Variants in ANTXR1 observed in about 807,000 individuals in gnomAD.
The protein encoded by ANTXR1 is ANTXR cell adhesion molecule 1.
ANTXR1 carries 19 observed loss-of-function variants against 78.1 expected under a neutral mutation model. The observed-to-expected ratio is 0.24, with a 90% CI of 0.17 to 0.36. ANTXR1 has a LOEUF of 0.36. Ranked by LOEUF, ANTXR1 falls within the 10% of genes least tolerant of loss-of-function variation. ANTXR1 has a pLI of 1.00. For synonymous variants in ANTXR1, 273 were observed against 260.5 expected, an observed-to-expected ratio of 1.05 and a Z score of -0.46; for missense variants, 518 against 718.6, an observed-to-expected ratio of 0.72 and a Z score of 3.19.
At chr2:69,184,434 C>T (rs1278392072) in intron 16 of ANTXR1, among the ~76,000 whole-genome samples, 7 of 152,120 alleles carry the variant, frequency 4.6e-5, no homozygotes, top group African/African-American at 7.2e-5. Context: ...CATGCAGTGG[C>T]GTGCATGCAT....
At chr2:69,175,582 C>A (rs1320306225) in intron 14 of ANTXR1, among the ~76,000 whole-genome samples, 1 of 152,162 alleles carries the variant, frequency 6.6e-6, no homozygotes, top group Non-Finnish European at 1.5e-5. Context: ...CATGTTCATG[C>A]CACTGCACTC....
intron 12 of ANTXR1, among the ~76,000 whole-genome samples, chr2:69,151,647 C>T (rs1021168631): frequency 2.6e-5 from 4 of 152,186 alleles, no homozygotes; most frequent in African/African-American, 9.7e-5. Flanking sequence ...TGCCCCCACC[C>T]CCTGGATTCA....
At chr2:69,156,074 G>A (rs930134183) in intron 13 of ANTXR1, among the ~76,000 whole-genome samples, 1 of 152,118 alleles carries the variant, frequency 6.6e-6, no homozygotes, top group Non-Finnish European at 1.5e-5. Context: ...CCTCAGAAGA[G>A]AGCAGCCCAG....
chr2:69,116,229 T>C (rs1461098482), intron 10 of ANTXR1, among the ~76,000 whole-genome samples: 1 of 152,218 alleles, frequency 6.6e-6, no homozygotes, highest in African/African-American at 2.4e-5. Context: ...CATTTTGCTT[T>C]GTAATAAGAC....
At chr2:69,067,512 G>A (rs1670435866) in intron 3 of ANTXR1, among the ~76,000 whole-genome samples, 1 of 136,828 alleles carries the variant, frequency 7.3e-6, no homozygotes, top group Non-Finnish European at 1.5e-5. Flanking sequence ...CACTTTTAGT[G>A]TTACCCAAAT....
At chr2:69,098,081 A>G (rs1671487754) in intron 9 of ANTXR1, among the ~76,000 whole-genome samples, 1 of 152,160 alleles carries the variant, frequency 6.6e-6, no homozygotes, top group Non-Finnish European at 1.5e-5. Flanking sequence ...GTTGTGTGGG[A>G]GTGGAGGTAG....
intron 17 of ANTXR1, among the ~76,000 whole-genome samples, chr2:69,225,609 C>T (rs1573989764): frequency 6.6e-6 from 1 of 152,042 alleles, no homozygotes; most frequent in Admixed American, 6.6e-5. Flanking sequence ...CTGCTCAGCT[C>T]GCTACCAGAG....
intron 12 of ANTXR1, among the ~76,000 whole-genome samples, chr2:69,141,164 T>C (rs758198965): frequency 1.3e-5 from 2 of 152,158 alleles, no homozygotes; most frequent in Non-Finnish European, 2.9e-5. Flanking sequence ...TACAGGGTTG[T>C]TCAAGAAATC....
chr2:69,115,359 T>C (rs1672109037), intron 10 of ANTXR1, among the ~76,000 whole-genome samples: 1 of 152,128 alleles, frequency 6.6e-6, no homozygotes, highest in Non-Finnish European at 1.5e-5. Context: ...CCACAACTTG[T>C]GTTTTGCAGG....
At chr2:69,126,000 A>C (rs1392453909) in intron 12 of ANTXR1, among the ~76,000 whole-genome samples, 1 of 152,222 alleles carries the variant, frequency 6.6e-6, no homozygotes, top group Non-Finnish European at 1.5e-5. Flanking sequence ...ATTATACTAT[A>C]GTCACTTCCT....
Position 69,245,803 on chromosome 2 carries a change from T to G in ANTXR1, c.*318T>G. 3.5e-6 allele frequency: 1 copy of G among 287,302 alleles called. No homozygotes were observed. Among genetic ancestry groups the G allele is most frequent in the South Asian group, 5.5e-5 (1 of 18,162 alleles). 17.8% of individuals were successfully genotyped at this position (287,302 alleles called of 1,614,324 possible). A position where few individuals can be genotyped will look rare whatever the true frequency, so the allele number is the denominator to read the frequency against. On this transcript the variant is annotated 3_prime_UTR_variant, in exon 18 of 18. Coordinates refer to ENST00000303714, the MANE Select transcript of ANTXR1 (RefSeq NM_032208.3). ...CTCATGGAGACCAGTAAGAAAATCA[T>G]TTATCTGAAGGTGAAATGCAGAGTT...
chr2:69,191,978 C>G (rs1012378777), intron 16 of ANTXR1, among the ~76,000 whole-genome samples: 1 of 152,212 alleles, frequency 6.6e-6, no homozygotes, highest in African/African-American at 2.4e-5. Context: ...GAAGCACCTA[C>G]CACTTAGTTA....
intron 1 of ANTXR1, among the ~76,000 whole-genome samples, chr2:69,017,346 C>A (rs1318886451): frequency 6.6e-6 from 1 of 152,124 alleles, no homozygotes; most frequent in Non-Finnish European, 1.5e-5. Flanking sequence ...TTCTTAGATC[C>A]TTTCGCTGGC....
intron 16 of ANTXR1, among the ~76,000 whole-genome samples, chr2:69,183,582 T>G (rs918384987): frequency 1.2e-4 from 17 of 139,674 alleles, no homozygotes; most frequent in South Asian, 2.3e-4. Context: ...TTGTTTTTTT[T>G]TTTTTTTTTT....
At chr2:69,230,108 G>A (rs1189474948) in intron 17 of ANTXR1, among the ~76,000 whole-genome samples, 1 of 151,260 alleles carries the variant, frequency 6.6e-6, no homozygotes, top group Non-Finnish European at 1.5e-5. Context: ...GCCAGTCCCT[G>A]TTTAGTGACA....
chr2:69,216,315 G>C (rs76922038), intron 17 of ANTXR1, among the ~76,000 whole-genome samples: 7,966 of 152,130 alleles, frequency 0.052, 552 homozygotes, highest in African/African-American at 0.15. Flanking sequence ...GAGATAATCT[G>C]GTTCTAGATA....
At chr2:69,179,956 G>A (rs563860600) in intron 14 of ANTXR1, among the ~76,000 whole-genome samples, 4 of 152,354 alleles carry the variant, frequency 2.6e-5, no homozygotes, top group African/African-American at 9.6e-5. Flanking sequence ...CAGAATCTGA[G>A]AGCGAGCAAC....
intron 17 of ANTXR1, among the ~76,000 whole-genome samples, chr2:69,238,719 A>C (rs1037883933): frequency 4.6e-5 from 7 of 152,228 alleles, no homozygotes; most frequent in African/African-American, 1.7e-4. Flanking sequence ...CAATGGGAGA[A>C]CTAGGCCAGA....
intron 17 of ANTXR1, among the ~76,000 whole-genome samples, chr2:69,219,392 C>CACACACACAA (rs1675261701): frequency 6.9e-6 from 1 of 144,856 alleles, no homozygotes; most frequent in Non-Finnish European, 1.5e-5. Flanking sequence ...AGGACACACA[C>CACACACACAA]ACACACACAC....
Sources: gnomAD v4.1 joint callset for allele counts (sites outside exome capture counted in the v4.1 genomes callset) on GRCh38, gnomAD v4.1.1 for gene constraint, MANE v1.5 for transcripts, NCBI Gene and HGNC (gene_info 2026-07-23, HGNC 2026-07-21) for gene names.